Variants in XKR6 observed in about 807,000 individuals in gnomAD.
The protein encoded by XKR6 is XK-related protein 6.
Under a neutral mutation model 56.7 loss-of-function variants are expected in XKR6, and 22 were observed. The observed-to-expected ratio is 0.39, with a 90% CI of 0.28 to 0.55. The LOEUF is 0.55. Among genes scored for constraint, XKR6 ranks in the 20% least tolerant of loss-of-function variants. The pLI, the probability that XKR6 is intolerant of heterozygous loss-of-function variation, is 0.66. For missense variants in XKR6, 852 were observed against 889.0 expected, an observed-to-expected ratio of 0.96 and a Z score of 0.53; for synonymous variants, 524 against 387.8, an observed-to-expected ratio of 1.35 and a Z score of -4.13.
intron 1 of XKR6, among the ~76,000 whole-genome samples, chr8:10,983,557 G>C (rs1797782997): frequency 6.6e-6 from 1 of 152,136 alleles, no homozygotes; most frequent in African/African-American, 2.4e-5. Flanking sequence ...TGGCCCACTA[G>C]GTTTTACAGA....
At chr8:11,102,454 C>CG (rs1798518710) in intron 1 of XKR6, among the ~76,000 whole-genome samples, 1 of 152,142 alleles carries the variant, frequency 6.6e-6, no homozygotes, top group South Asian at 2.1e-4. Context: ...GTTCCCCTAC[C>CG]GAATAGCTCT....
chr8:11,005,278 C>T (rs1458373519), intron 1 of XKR6, among the ~76,000 whole-genome samples: 1 of 152,062 alleles, frequency 6.6e-6, no homozygotes, highest in African/African-American at 2.4e-5. Flanking sequence ...CAGAATTTCC[C>T]ATTTAATATT....
intron 2 of XKR6, among the ~76,000 whole-genome samples, chr8:10,912,306 GTATATATA>G (rs535084135): frequency 0.082 from 4,501 of 55,174 alleles, 244 homozygotes; most frequent in African/African-American, 0.12. Flanking sequence ...AAGAGAGGGT[GTATATATA>G]TATATATATA....
At chr8:11,108,227 T>C (rs771052117) in intron 1 of XKR6, 31 of 452,692 alleles carry the variant, frequency 6.8e-5, no homozygotes, top group Non-Finnish European at 8.4e-5. Flanking sequence ...GAAATAACCA[T>C]ACAATTGTAA....
At chr8:11,174,642 C>G (rs188285533) in intron 1 of XKR6, among the ~76,000 whole-genome samples, 25 of 152,318 alleles carry the variant, frequency 1.6e-4, no homozygotes, top group Admixed American at 5.2e-4. Flanking sequence ...GCGGCTGCGA[C>G]TGTTACAAAG....
At chr8:11,152,954 T>G (rs1431431936) in intron 1 of XKR6, among the ~76,000 whole-genome samples, 1 of 152,236 alleles carries the variant, frequency 6.6e-6, no homozygotes, top group African/African-American at 2.4e-5. Context: ...AGATCTGCAC[T>G]AGCTCACAGA....
intron 1 of XKR6, among the ~76,000 whole-genome samples, chr8:11,129,928 C>T (rs751812931): frequency 6.6e-6 from 1 of 152,068 alleles, no homozygotes; most frequent in African/African-American, 2.4e-5. Context: ...TGAGGAAAAA[C>T]GCTATCTGAG....
At chr8:11,054,918 G>A (rs1199314592) in intron 1 of XKR6, among the ~76,000 whole-genome samples, 2 of 152,188 alleles carry the variant, frequency 1.3e-5, no homozygotes, top group African/African-American at 4.8e-5. Flanking sequence ...TTCATGCAAA[G>A]GCCCTGTGGG....
chr8:11,186,660 A>C (rs1216906386), intron 1 of XKR6, among the ~76,000 whole-genome samples: 1 of 152,166 alleles, frequency 6.6e-6, no homozygotes, highest in Non-Finnish European at 1.5e-5. Flanking sequence ...GATTACAGGC[A>C]TGAGACACCA....
rs991360049 is a variant in XKR6, at chr8:11,049,785, G to C, written c.765-124955C>G. On this transcript the variant is annotated intron_variant, in intron 1 of 2. Coordinates refer to ENST00000416569, the MANE Select transcript of XKR6 (RefSeq NM_173683.4). Reference sequence around the variant, plus strand: ...AAAAAAAAGTTAACCAAATCTGTTGGGCAGAATTTTTCTAGTCTTTTCCTA... The same window carrying C: ...AAAAAAAAGTTAACCAAATCTGTTGCGCAGAATTTTTCTAGTCTTTTCCTA... Among the ~76,000 whole-genome samples the C allele has an allele frequency of 1.3e-5, 2 of 152,160 alleles. 1 individual carries two copies. Among genetic ancestry groups the C allele is most frequent in the South Asian group, 4.1e-4 (2 of 4,830 alleles).
chr8:11,117,214 G>A (rs548226632), intron 1 of XKR6, among the ~76,000 whole-genome samples: 1 of 152,140 alleles, frequency 6.6e-6, no homozygotes, highest in Non-Finnish European at 1.5e-5. Context: ...GATACACTAG[G>A]GGTGAAACTG....
At chr8:10,940,127 C>A (rs1303497682) in intron 1 of XKR6, among the ~76,000 whole-genome samples, 1 of 152,106 alleles carries the variant, frequency 6.6e-6, no homozygotes. Flanking sequence ...TGTAGCAGAG[C>A]GCCTGGCACA....
chr8:11,181,783 T>G (rs548887666), intron 1 of XKR6, among the ~76,000 whole-genome samples: 22 of 152,358 alleles, frequency 1.4e-4, no homozygotes, highest in Admixed American at 1.3e-3. Context: ...ATTCTGAGAC[T>G]TGGCATGTAT....
intron 1 of XKR6, among the ~76,000 whole-genome samples, chr8:10,975,647 T>G (rs1281941917): frequency 6.6e-6 from 1 of 152,146 alleles, no homozygotes; most frequent in Non-Finnish European, 1.5e-5. Context: ...TCTGTCCCAG[T>G]GAGATTTTCA....
At chr8:10,949,163 G>A (rs745327662) in intron 1 of XKR6, among the ~76,000 whole-genome samples, 11 of 152,204 alleles carry the variant, frequency 7.2e-5, no homozygotes, top group Non-Finnish European at 1.2e-4. Flanking sequence ...TGCAGGGGCC[G>A]GCTCTAGGGC....
At chr8:11,070,021 C>T (rs1467907034) in intron 1 of XKR6, among the ~76,000 whole-genome samples, 2 of 152,194 alleles carry the variant, frequency 1.3e-5, no homozygotes, top group Non-Finnish European at 2.9e-5. Flanking sequence ...CTAAAGGGAT[C>T]TTCTGAAGTT....
At chr8:10,906,524 A>G (rs1243854686) in intron 2 of XKR6, among the ~76,000 whole-genome samples, 1 of 152,262 alleles carries the variant, frequency 6.6e-6, no homozygotes, top group Non-Finnish European at 1.5e-5. Context: ...ATATGTACAC[A>G]GGAAATAATA....
At chr8:11,029,047 CA>C (rs1253131645) in intron 1 of XKR6, among the ~76,000 whole-genome samples, 1 of 152,166 alleles carries the variant, frequency 6.6e-6, no homozygotes, top group Non-Finnish European at 1.5e-5. Context: ...CCTGGTGCCT[CA>C]CCTGTTAGGA....
At chr8:10,966,193 CAG>C (rs1802217146) in intron 1 of XKR6, among the ~76,000 whole-genome samples, 2 of 152,234 alleles carry the variant, frequency 1.3e-5, no homozygotes, top group South Asian at 2.1e-4. Context: ...CTAAGAAACA[CAG>C]AGTTTCTCAT....
Sources: allele counts gnomAD v4.1 joint callset (sites outside exome capture counted in the v4.1 genomes callset), GRCh38; gene constraint gnomAD v4.1.1; transcripts MANE v1.5; gene names NCBI Gene and HGNC (gene_info 2026-07-23, HGNC 2026-07-21).